The following PAFAH1B1 variants were observed in gnomAD, a reference collection of about 807,000 sequenced individuals.
The protein encoded by PAFAH1B1 is platelet activating factor acetylhydrolase 1b regulatory subunit 1, also known as platelet-activating factor acetylhydrolase IB subunit beta.
A neutral mutation model predicts 57.5 loss-of-function variants in PAFAH1B1; 2 were observed. The ratio of observed to expected loss-of-function variants is 0.03; its 90% CI spans 0.01 to 0.11. The LOEUF (loss-of-function observed/expected upper bound fraction) is 0.11. Among genes scored for constraint, PAFAH1B1 ranks in the 10% least tolerant of loss-of-function variants. The probability of loss-of-function intolerance (pLI) is 1.00; values close to 1 mark genes in which losing one functional copy is unlikely to be tolerated. For missense variants in PAFAH1B1, 257 were observed against 512.0 expected (o/e 0.50, Z 4.81); for synonymous variants, 152 against 169.6 (o/e 0.90, Z 0.81).
chr17:2,624,723 C>T lies in PAFAH1B1; in HGVS notation c.-190-13376C>T, dbSNP rs555116835. ...AGATTTCTGTGGGGACGCAGCCAAACCATATCACCTGGTTTCTCTGTGTTG... is the reference window on the plus strand; with the variant it reads ...AGATTTCTGTGGGGACGCAGCCAAATCATATCACCTGGTTTCTCTGTGTTG... On this transcript the variant is annotated intron_variant, in intron 1 of 10. Coordinates refer to ENST00000397195, the MANE Select transcript of PAFAH1B1 (RefSeq NM_000430.4). 5.9e-5 allele frequency among the ~76,000 whole-genome samples: 9 copies of T among 152,252 alleles called. No homozygotes were observed. In the South Asian group the frequency reaches 1.7e-3, roughly 28 times the overall value.
chr17:2,684,759 T>TGTTA lies in PAFAH1B1; in HGVS notation c.*2959_*2962dup, dbSNP rs907573626. On this transcript the variant is annotated 3_prime_UTR_variant, in exon 11 of 11. Coordinates refer to ENST00000397195, the MANE Select transcript of PAFAH1B1 (RefSeq NM_000430.4). Reference sequence around the variant, plus strand: ...AGAGCACTACTCTCAAAATCACTAGTGTTAGCAAGTCGTCCCGGGCTGGGG... The same window carrying TGTTA: ...AGAGCACTACTCTCAAAATCACTAGTGTTAGTTAGCAAGTCGTCCCGGGCTGGGG... The TGTTA allele has an allele frequency of 3.3e-5, 5 of 152,554 alleles. No homozygotes were observed. The highest frequency in any genetic ancestry group is 9.7e-5 in the African/African-American group (4 of 41,388). The allele number at this position is 152,554 out of a possible 1,614,324, so 9.5% of individuals were successfully genotyped here. A position where few individuals can be genotyped will look rare whatever the true frequency, so the allele number is the denominator to read the frequency against.
chr17:2,674,189 A>G lies in PAFAH1B1; in HGVS notation c.801A>G (p.Glu267=), dbSNP rs759776721. Reference sequence around the variant, plus strand: ...GTGTATGGGTCGTAGCAACAAAGGAATGCAAGGCTGAGCTCCGAGAGCATG... The same window carrying G: ...GTGTATGGGTCGTAGCAACAAAGGAGTGCAAGGCTGAGCTCCGAGAGCATG... ...TVRVWVVATK[E]CKAELREHEH... is the part of the protein sequence containing the mutation. The change falls in exon 8 of 11, where the codon GAA becomes GAG. Residue 267 remains glutamate (E), a synonymous_variant. Coordinates refer to ENST00000397195, the MANE Select transcript of PAFAH1B1 (RefSeq NM_000430.4). 3.1e-6 allele frequency: 5 copies of G among 1,614,054 alleles called. No individual in the cohort carries two copies. In the Admixed American group the frequency reaches 6.7e-5, roughly 22 times the overall value.
intron 1 of PAFAH1B1, among the ~76,000 whole-genome samples, chr17:2,607,727 C>T (rs1360273229): frequency 6.6e-6 from 1 of 151,968 alleles, no homozygotes; most frequent in Non-Finnish European, 1.5e-5. Flanking sequence ...CTCAAGTGAT[C>T]CACCTGCCTC....
chr17:2,676,962 C>T (rs2069278713), intron 9 of PAFAH1B1, among the ~76,000 whole-genome samples: 1 of 151,840 alleles, frequency 6.6e-6, no homozygotes, highest in Non-Finnish European at 1.5e-5. Context: ...GGAGATCGAG[C>T]TAACTTGGGG....
chr17:2,597,593 T>C (rs2068098225), intron 1 of PAFAH1B1, among the ~76,000 whole-genome samples: 1 of 151,722 alleles, frequency 6.6e-6, no homozygotes. Context: ...GTATTTTTAG[T>C]AGAGATGGAG....
chr17:2,662,498 G>A (rs1000157395), intron 2 of PAFAH1B1, among the ~76,000 whole-genome samples: 1 of 149,792 alleles, frequency 6.7e-6, no homozygotes, highest in Non-Finnish European at 1.5e-5. Context: ...TTGCCTCCCA[G>A]ATTCAAGCAA....
rs2069407447 is a variant in PAFAH1B1 at position 2,682,954 on chromosome 17, T to C, written c.*1152T>C. The C allele has an allele frequency of 6.6e-6, 1 of 152,664 alleles. No individual in the cohort carries two copies. The highest frequency in any genetic ancestry group is 1.5e-5 in the Non-Finnish European group (1 of 68,044). 9.5% of individuals were successfully genotyped at this position (152,664 alleles called of 1,614,324 possible). ...AAGTGGATAAGTCTGTATGTGTGTA[T>C]CATACACATCAACCTCCATGTCCTT... is the stretch of plus-strand genomic sequence containing the variant. On this transcript the variant is annotated 3_prime_UTR_variant, in exon 11 of 11. Coordinates refer to ENST00000397195, the MANE Select transcript of PAFAH1B1 (RefSeq NM_000430.4).
intron 1 of PAFAH1B1, among the ~76,000 whole-genome samples, chr17:2,628,628 T>G (rs1056259873): frequency 6.6e-6 from 1 of 152,180 alleles, no homozygotes; most frequent in Non-Finnish European, 1.5e-5. Context: ...GGGCTCCTTC[T>G]TTCTCTGTCT....
chr17:2,676,140 G>C (rs183024239), intron 8 of PAFAH1B1, among the ~76,000 whole-genome samples: 2 of 152,174 alleles, frequency 1.3e-5, no homozygotes, highest in Non-Finnish European at 2.9e-5. Context: ...TTGGGAGGCC[G>C]AGGTGGGCCG....
At chr17:2,664,665 G>GCTCGCTCGCTCTCTCTCTCT (rs1555526142) in intron 2 of PAFAH1B1, among the ~76,000 whole-genome samples, 4 of 86,090 alleles carry the variant, frequency 4.6e-5, no homozygotes, top group African/African-American at 1.6e-4. Flanking sequence ...TCTATCTATC[G>GCTCGCTCGCTCTCTCTCTCT]CTCTCTCTCT....
chr17:2,675,148 C>T (rs1190036188), intron 8 of PAFAH1B1, among the ~76,000 whole-genome samples: 1 of 152,132 alleles, frequency 6.6e-6, no homozygotes, highest in Non-Finnish European at 1.5e-5. Context: ...ACCACGGATG[C>T]ATGTACCACC....
chr17:2,635,343 A>G (rs777989925), intron 1 of PAFAH1B1: 1 of 152,146 alleles, frequency 6.6e-6, no homozygotes, highest in Non-Finnish European at 1.5e-5. Flanking sequence ...CTACTGTGCC[A>G]GTACTGTCAT....
intron 8 of PAFAH1B1, among the ~76,000 whole-genome samples, chr17:2,674,532 A>G (rs1266067232): frequency 2.0e-5 from 3 of 152,230 alleles, no homozygotes; most frequent in Non-Finnish European, 4.4e-5. Context: ...AAAGAATTAA[A>G]ATTTATCAGA....
chr17:2,650,639 C>CAAAAAA (rs10582467), intron 2 of PAFAH1B1, among the ~76,000 whole-genome samples: 1 of 108,834 alleles, frequency 9.2e-6, no homozygotes, highest in African/African-American at 3.4e-5. Context: ...GACTCTGTCT[C>CAAAAAA]AAAAAAAAAA....
intron 2 of PAFAH1B1, among the ~76,000 whole-genome samples, chr17:2,644,136 G>A (rs1049207739): frequency 1.3e-5 from 2 of 150,854 alleles, no homozygotes; most frequent in Non-Finnish European, 2.9e-5. Flanking sequence ...TGGGATTACA[G>A]GCTCAAGCCA....
At chr17:2,651,445 A>G (rs147588454) in intron 2 of PAFAH1B1, among the ~76,000 whole-genome samples, 256 of 150,998 alleles carry the variant, frequency 1.7e-3, no homozygotes, top group African/African-American at 5.6e-3. Flanking sequence ...TTAGCTGGGC[A>G]TGGTGGTGCC....
At position 2,681,716 on chromosome 17, in the gene PAFAH1B1, C is replaced by A. The variant is rs566753478; in HGVS notation, c.1160-13C>A. On this transcript the variant is annotated splice_polypyrimidine_tract_variant and intron_variant, in intron 10 of 10. Coordinates refer to ENST00000397195, the MANE Select transcript of PAFAH1B1 (RefSeq NM_000430.4). ...CGTGTGAGTTTTAAATAAACCATTT[C>A]TTTTTCTTTCAGATTTCCACAAGAC... is the stretch of plus-strand genomic sequence containing the variant. The A allele has an allele frequency of 1.4e-5, 22 of 1,608,038 alleles. No homozygotes were observed. The South Asian group carries it at 2.4e-4, about 18-fold the overall frequency.
chr17:2,631,919 G>A (rs1185947488), intron 1 of PAFAH1B1, among the ~76,000 whole-genome samples: 1 of 152,122 alleles, frequency 6.6e-6, no homozygotes, highest in African/African-American at 2.4e-5. Context: ...TATGGAAAAT[G>A]TCAGACCCTT....
Position 2,670,328 on chromosome 17 carries a change from C to T in PAFAH1B1, c.565C>T (p.His189Tyr), listed in dbSNP as rs757106171. The change falls in exon 6 of 11, where the codon CAC (histidine) becomes TAC (tyrosine). Residue 189 changes from histidine to tyrosine, a missense_variant. Transcript: ENST00000397195. ...GGGCTTTGAATGCATCAGAACCATG[C>T]ACGGTAAGGGGTAGAGGATAGTGCT... ...FQGFECIRTM[H>Y]GHDHNVSSVA... 2 of 1,612,788 alleles carry T rather than the reference C, an allele frequency of 1.2e-6. No individual in the cohort carries two copies. The highest frequency in any genetic ancestry group is 8.5e-7 in the Non-Finnish European group (1 of 1,178,800).
Sources: allele counts gnomAD v4.1 joint callset (sites outside exome capture counted in the v4.1 genomes callset), GRCh38; gene constraint gnomAD v4.1.1; transcripts MANE v1.5; gene names NCBI Gene and HGNC (gene_info 2026-07-23, HGNC 2026-07-21).